SH2D3C: variants seen among roughly 807,000 people sequenced by gnomAD.
SH2D3C encodes the protein SH2 domain containing 3C.
Under a neutral mutation model 75.2 loss-of-function variants are expected in SH2D3C, and 25 were observed. The observed-to-expected ratio is 0.33, with a 90% CI of 0.24 to 0.46. SH2D3C has a LOEUF of 0.46. Ranked by LOEUF, SH2D3C falls within the 20% of genes least tolerant of loss-of-function variation. The pLI, the probability that SH2D3C is intolerant of heterozygous loss-of-function variation, is 1.00. For synonymous variants in SH2D3C, 450 were observed against 473.7 expected (o/e 0.95, Z 0.65); for missense variants, 933 against 1,165.3 (o/e 0.80, Z 2.90).
intron 2 of SH2D3C, among the ~76,000 whole-genome samples, chr9:127,765,534 ATCTCT>A (rs1295368620): frequency 6.6e-6 from 1 of 152,014 alleles, no homozygotes; most frequent in Non-Finnish European, 1.5e-5. Context: ...TGCTGGTCAA[ATCTCT>A]TCTCTCTCCT....
In SH2D3C at chr9:127,747,265, C is replaced by A. The variant is rs377757030; in HGVS notation, c.1146G>T (p.Ser382=). 8.2e-5 allele frequency: 132 copies of A among 1,612,206 alleles called. No homozygotes were observed. Among genetic ancestry groups the A allele is most frequent in the Non-Finnish European group, 1.1e-4 (129 of 1,179,828 alleles). Residue 382 remains serine, a synonymous_variant, in exon 6 of 12, where the codon TCG becomes TCT. Transcript: ENST00000314830. ...GGATGGAGTCCCGAGGGCGGGGCAG[C>A]GACGTACTGTGGAGCAGACACCATC... ...TRSDGCPTST[S]LPRPRDSIRS...
At chr9:127,772,239 CTTTT>C (rs68153880) in intron 2 of SH2D3C, among the ~76,000 whole-genome samples, 12 of 120,480 alleles carry the variant, frequency 1.0e-4, no homozygotes, top group African/African-American at 1.3e-4. Context: ...GCTCAGGTGG[CTTTT>C]TTTTTTTTTT....
intron 3 of SH2D3C, among the ~76,000 whole-genome samples, chr9:127,758,857 T>C (rs1409660681): frequency 6.6e-6 from 1 of 152,178 alleles, no homozygotes; most frequent in African/African-American, 2.4e-5. Flanking sequence ...CCTCTGGAGC[T>C]CCCACAGCTT....
intron 3 of SH2D3C, among the ~76,000 whole-genome samples, chr9:127,759,843 C>T (rs894440095): frequency 6.6e-6 from 1 of 151,986 alleles, no homozygotes; most frequent in East Asian, 1.9e-4. Context: ...ATTAGCCCGG[C>T]GTGGTGGCAG....
Position 127,774,373 on chromosome 9 carries a change from A to G in SH2D3C, c.132T>C (p.His44=). 3 of 1,613,716 alleles carry G rather than the reference A, an allele frequency of 1.9e-6. No individual in the cohort carries two copies. The South Asian group carries it at 3.3e-5, about 18-fold the overall frequency. The change falls in exon 2 of 12, where the codon CAT becomes CAC. Residue 44 remains histidine (H), a synonymous_variant. Coordinates refer to ENST00000314830, the MANE Select transcript of SH2D3C (RefSeq NM_170600.3). The surrounding 1 kb of genome is among the most constrained non-coding windows in gnomAD (Gnocchi z 4.3). ...RSSASISRQS[H]LEPDTFEATQ... ...TGGCTTCAAAGGTGTCAGGCTCCAA[A>G]TGGGACTGCCTACTGATGGAAGCTG... is the stretch of plus-strand genomic sequence containing the variant.
At chr9:127,762,906 C>T (rs1046405270) in intron 2 of SH2D3C, among the ~76,000 whole-genome samples, 11 of 152,324 alleles carry the variant, frequency 7.2e-5, no homozygotes, top group African/African-American at 2.6e-4. Context: ...AAGACGGTAC[C>T]ATGATTATGC....
intron 2 of SH2D3C, chr9:127,762,295 G>T: frequency 7.8e-7 from 1 of 1,279,706 alleles, no homozygotes; most frequent in Non-Finnish European, 1.0e-6. Context: ...GAGGGCCACC[G>T]TGAACCACTC....
chr9:127,766,870 C>G (rs1482891251), intron 2 of SH2D3C: 1 of 1,469,604 alleles, frequency 6.8e-7, no homozygotes, highest in Non-Finnish European at 9.1e-7. Context: ...TGCCCAGCTT[C>G]TTTCCTTCCT....
chr9:127,739,563 C>G lies in SH2D3C; in HGVS notation c.2407+119G>C, dbSNP rs938696297. 3.7e-6 allele frequency: 3 copies of G among 808,266 alleles called. No individual in the cohort carries two copies. Among genetic ancestry groups the G allele is most frequent in the Non-Finnish European group, 5.7e-6 (3 of 527,552 alleles). The allele number at this position is 808,266 out of a possible 1,614,324, so 50.1% of individuals were successfully genotyped here. On this transcript the variant is annotated intron_variant, in intron 11 of 11. Coordinates refer to ENST00000314830, the MANE Select transcript of SH2D3C (RefSeq NM_170600.3). This position sits in a 1 kb window ranked among gnomAD's most constrained non-coding sequence, Gnocchi z 4.3. ...ACATGAGAGGAAGGGGTCAGGGAGA[C>G]AGGGCAGGACAGAGGAGTGGAGAAA...
At chr9:127,753,638 G>A (rs569821070) in intron 3 of SH2D3C, among the ~76,000 whole-genome samples, 1 of 152,138 alleles carries the variant, frequency 6.6e-6, no homozygotes, top group South Asian at 2.1e-4. Flanking sequence ...CCTACTTCTG[G>A]GGGTCCCTGG....
At chr9:127,740,895 A>T (rs554739303) in intron 9 of SH2D3C, among the ~76,000 whole-genome samples, 1 of 152,062 alleles carries the variant, frequency 6.6e-6, no homozygotes, top group South Asian at 2.1e-4. Flanking sequence ...GTTGGCCAAG[A>T]TGATCTCAAT....
At chr9:127,745,251 G>T (rs1844993666) in intron 6 of SH2D3C, 152 bp from the exon 7 acceptor site, 1 of 593,358 alleles carries the variant, frequency 1.7e-6, no homozygotes, top group Non-Finnish European at 2.6e-6. Context: ...GACCAGGGCC[G>T]ATTGACTCTG....
In SH2D3C at chr9:127,749,318, G is replaced by T. The variant is rs761308154; in HGVS notation, c.1032C>A (p.Pro344=). 3.7e-6 allele frequency: 6 copies of T among 1,611,796 alleles called. No individual in the cohort carries two copies. The highest frequency in any genetic ancestry group is 3.4e-6 in the Non-Finnish European group (4 of 1,178,990). The change falls in exon 5 of 12, where the codon CCC becomes CCA. Residue 344 remains proline, a synonymous_variant. Coordinates refer to ENST00000314830, the MANE Select transcript of SH2D3C (RefSeq NM_170600.3). The surrounding 1 kb of genome is among the most constrained non-coding windows in gnomAD (Gnocchi z 5.9). ...TGCCCTTGGGGCCTGAGGGGCTGAC[G>T]GGGCTAGCAGGCTTGCTACTCCCCT... is the stretch of plus-strand genomic sequence containing the variant. ...LGQGSSKPAS[P]VSPSGPKGSH... is the part of the protein sequence containing the mutation.
intron 7 of SH2D3C, 144 bp downstream of exon 7, chr9:127,744,420 A>G (rs778998758): frequency 1.9e-6 from 2 of 1,065,894 alleles, no homozygotes; most frequent in Non-Finnish European, 2.7e-6. Flanking sequence ...ACCAGCCCAG[A>G]GTCACAGAGC....
chr9:127,774,570 G>A lies in SH2D3C; in HGVS notation c.38-103C>T, dbSNP rs1164600192. 2 of 684,118 alleles carry A rather than the reference G, an allele frequency of 2.9e-6. No individual in the cohort carries two copies. Among genetic ancestry groups the A allele is most frequent in the Non-Finnish European group, 2.6e-6 (1 of 390,556 alleles). The allele number at this position is 684,118 out of a possible 1,614,324, so 42.4% of individuals were successfully genotyped here. ...TTCACTCGGTGAGGGGCTGAAGAGG[G>A]CTGGCGGTTTCCCAGACACCCCTTC... On this transcript the variant is annotated intron_variant, in intron 1 of 11. Coordinates refer to ENST00000314830, the MANE Select transcript of SH2D3C (RefSeq NM_170600.3). The surrounding 1 kb of genome is among the most constrained non-coding windows in gnomAD (Gnocchi z 4.3).
At chr9:127,770,427 C>T (rs1220893406) in intron 2 of SH2D3C, among the ~76,000 whole-genome samples, 1 of 152,166 alleles carries the variant, frequency 6.6e-6, no homozygotes, top group Admixed American at 6.5e-5. Context: ...CCTCAGAGAC[C>T]ATCTCAGGCC....
At chr9:127,753,393 C>A (rs1247607769) in intron 3 of SH2D3C, among the ~76,000 whole-genome samples, 1 of 152,112 alleles carries the variant, frequency 6.6e-6, no homozygotes, top group Non-Finnish European at 1.5e-5. Flanking sequence ...GGGGCAGGAG[C>A]AGCTTGGTGG....
intron 3 of SH2D3C, among the ~76,000 whole-genome samples, chr9:127,752,311 C>T (rs527929642): frequency 3.9e-5 from 6 of 152,126 alleles, no homozygotes; most frequent in Non-Finnish European, 5.9e-5. Flanking sequence ...CACCTCACTG[C>T]GAAGATGAAA....
chr9:127,770,800 G>T (rs1323591338), intron 2 of SH2D3C, among the ~76,000 whole-genome samples: 5 of 152,194 alleles, frequency 3.3e-5, no homozygotes, highest in African/African-American at 1.2e-4. Flanking sequence ...CATTCTCAAG[G>T]TTTCTCAAGA....
Sources: allele counts gnomAD v4.1 joint callset (sites outside exome capture counted in the v4.1 genomes callset), GRCh38; gene constraint gnomAD v4.1.1; non-coding constraint Gnocchi (gnomAD v3.1); transcripts MANE v1.5; gene names NCBI Gene and HGNC (gene_info 2026-07-23, HGNC 2026-07-21).